The following IGFN1 variants were observed in gnomAD, a reference collection of about 807,000 sequenced individuals.
IGFN1 encodes immunoglobulin like and fibronectin type III domain containing 1, also known as immunoglobulin-like and fibronectin type III domain-containing protein 1.
In IGFN1, 253 loss-of-function variants were observed where a neutral mutation model predicts 289.5. The observed-to-expected ratio is 0.87, with a 90% CI of 0.79 to 0.97. The LOEUF (loss-of-function observed/expected upper bound fraction) is 0.97. IGFN1 is among the 50% of genes least tolerant of loss of function. The probability of loss-of-function intolerance (pLI) is 0.00; values close to 1 mark genes in which losing one functional copy is unlikely to be tolerated. For missense variants in IGFN1, 4,470 were observed against 4,686.1 expected (o/e 0.95, Z 1.35); for synonymous variants, 1,706 against 1,788.5 (o/e 0.95, Z 1.16).
Position 201,224,676 on chromosome 1 carries a change from C to T in IGFN1, c.10291-3C>T, listed in dbSNP as rs747036155. 1 of 1,612,822 alleles carries T rather than the reference C, an allele frequency of 6.2e-7. No homozygotes were observed. The highest frequency in any genetic ancestry group is 8.5e-7 in the Non-Finnish European group (1 of 1,179,362). On this transcript the variant is annotated splice_polypyrimidine_tract_variant and splice_region_variant and intron_variant, in intron 20 of 23. Coordinates refer to ENST00000335211, the MANE Select transcript of IGFN1 (RefSeq NM_001164586.2). ...TCAACTTTTCCTTCCTCTCCTTTCTCAGGCCATGCCCATGCCTGAGGTGAC... is the reference window on the plus strand; with the variant it reads ...TCAACTTTTCCTTCCTCTCCTTTCTTAGGCCATGCCCATGCCTGAGGTGAC...
chr1:201,224,609 C>G, intron 20 of IGFN1, 70 bp from the exon 21 acceptor site: 1 of 1,374,038 alleles, frequency 7.3e-7, no homozygotes, highest in Non-Finnish European at 1.0e-6. Context: ...TTTGGCCTAG[C>G]TTAAATGCCA....
Position 201,206,457 on chromosome 1 carries a change from C to A in IGFN1, c.1564C>A (p.Pro522Thr). The A allele has an allele frequency of 6.4e-7, 1 of 1,551,252 alleles. No individual in the cohort carries two copies. Among genetic ancestry groups the A allele is most frequent in the Non-Finnish European group, 8.7e-7 (1 of 1,146,972 alleles). Residue 522 changes from proline to threonine, a missense_variant, in exon 12 of 24, where the codon CCC becomes ACC. This residue lies in a region of IGFN1 where 2,011 missense variants were observed against 1,953.4 expected (regional missense o/e 1.03). Transcript: ENST00000335211. ...CTGGGCCAGAAGCCTTGCAGAGAGG[C>A]CCCATCTACAGGGAGAGAGCTCAGA... ...GGWARSLAER[P>T]HLQGESSESG...
chr1:201,225,938 T>A lies in IGFN1; in HGVS notation c.10601T>A (p.Val3534Glu), dbSNP rs1391954068. ...EAQDVPLHYA[V>E]FTRSSAHGPW... The stretch of plus-strand genomic sequence containing the variant: ...CAGGATGTCCCGCTGCACTACGCGG[T>A]GTTCACACGCTCCTCAGCGCACGGT... The change falls in exon 22 of 24, where the codon GTG becomes GAG. Residue 3534 changes from valine (V) to glutamate (E), a missense_variant. Coordinates refer to ENST00000335211, the MANE Select transcript of IGFN1 (RefSeq NM_001164586.2). 1.2e-6 allele frequency: 2 copies of A among 1,602,424 alleles called. No homozygotes were observed. Among genetic ancestry groups the A allele is most frequent in the Non-Finnish European group, 1.7e-6 (2 of 1,174,594 alleles).
chr1:201,211,433 G>C lies in IGFN1; in HGVS notation c.6540G>C (p.Lys2180Asn), dbSNP rs1317268108. ...MGSMDEAGYR[K>N]DLGAPEGMGS... ...CAATGGATGAGGCAGGTTATAGGAA[G>C]GATTTGGGAGCTCCTGAGGGAATGG... The change falls in exon 12 of 24, where the codon AAG (lysine) becomes AAC (asparagine). Residue 2180 changes from lysine to asparagine, a missense_variant. By Grantham distance (94) the Lys-to-Asn change is moderately conservative. Transcript: ENST00000335211. 1 of 1,500,458 alleles carries C rather than the reference G, an allele frequency of 6.7e-7. No individual in the cohort carries two copies. The highest frequency in any genetic ancestry group is 1.4e-5 in the African/African-American group (1 of 71,348). The allele number at this position is 1,500,458 out of a possible 1,614,324, so 92.9% of individuals were successfully genotyped here. A position where few individuals can be genotyped will look rare whatever the true frequency, so the allele number is the denominator to read the frequency against.
intron 7 of IGFN1, 102 bp downstream of exon 7, chr1:201,199,756 C>A: frequency 1.0e-6 from 1 of 988,048 alleles, no homozygotes; most frequent in Non-Finnish European, 1.5e-6. Flanking sequence ...CTCTACCCAA[C>A]ACAGCAGGGA....
In IGFN1 at chr1:201,205,105, C is replaced by G; in HGVS notation, c.940C>G (p.Pro314Ala). ...ASAIPPRVVVPLAETHCEEQG... is the reference protein window; with the variant it reads ...ASAIPPRVVVALAETHCEEQG... ...AGCCATCCCCCCAAGAGTGGTGGTC[C>G]CACTGGCGGAGACCCACTGTGAGGA... Residue 314 changes from proline (P) to alanine (A), a missense_variant, in exon 11 of 24, where the codon CCA becomes GCA. Pro to Ala is a conservative substitution (Grantham distance 27). This residue lies in a region of IGFN1 where 2,011 missense variants were observed against 1,953.4 expected (regional missense o/e 1.03). Coordinates refer to ENST00000335211, the MANE Select transcript of IGFN1 (RefSeq NM_001164586.2). The G allele has an allele frequency of 6.5e-7, 1 of 1,547,938 alleles. No individual in the cohort carries two copies. Among genetic ancestry groups the G allele is most frequent in the Non-Finnish European group, 8.7e-7 (1 of 1,144,806 alleles).
At chr1:201,224,096 T>C (rs2102371534) in intron 20 of IGFN1, among the ~76,000 whole-genome samples, 1 of 152,344 alleles carries the variant, frequency 6.6e-6, no homozygotes, top group East Asian at 1.9e-4. Context: ...CACCGTGCCC[T>C]GTACTGAGGG....
At chr1:201,204,791 T>G (rs1439640751) in intron 10 of IGFN1, among the ~76,000 whole-genome samples, 1 of 152,246 alleles carries the variant, frequency 6.6e-6, no homozygotes, top group African/African-American at 2.4e-5. Flanking sequence ...CTACCGGCTC[T>G]TAGCATAGTG....
intron 8 of IGFN1, among the ~76,000 whole-genome samples, chr1:201,200,871 G>A (rs527641629): frequency 2.4e-3 from 321 of 136,396 alleles, no homozygotes; most frequent in African/African-American, 6.6e-3. Flanking sequence ...TTGCTCTTTC[G>A]CCCAGGCTGG....
chr1:201,208,273 T>G lies in IGFN1; in HGVS notation c.3380T>G (p.Phe1127Cys). The change falls in exon 12 of 24, where the codon TTC (phenylalanine) becomes TGC (cysteine). Residue 1127 changes from phenylalanine to cysteine, a missense_variant. Coordinates refer to ENST00000335211, the MANE Select transcript of IGFN1 (RefSeq NM_001164586.2). ...GGTCAGACTGGAAATTATGGGGGCT[T>G]CAGAGCCTCAGAGGCCCTGGGGGCC... ...PWGQTGNYGG[F>C]RASEALGAFG... The G allele has an allele frequency of 6.5e-7, 1 of 1,535,254 alleles. No homozygotes were observed. The highest frequency in any genetic ancestry group is 1.4e-5 in the African/African-American group (1 of 72,926).
chr1:201,220,654 C>T (rs1653669306), intron 18 of IGFN1, among the ~76,000 whole-genome samples: 1 of 152,250 alleles, frequency 6.6e-6, no homozygotes, highest in Non-Finnish European at 1.5e-5. Flanking sequence ...TCAGGCCTCA[C>T]CCCAGACCTA....
At chr1:201,213,789 T>C (rs1486713780) in intron 12 of IGFN1, among the ~76,000 whole-genome samples, 168 bp downstream of exon 12, 1 of 152,078 alleles carries the variant, frequency 6.6e-6, no homozygotes, top group Non-Finnish European at 1.5e-5. Flanking sequence ...AAGCAACCTC[T>C]TCCTCTTTAC....
At chr1:201,215,501 T>G in intron 14 of IGFN1, 38 bp from the exon 15 acceptor site, 2 of 1,509,042 alleles carry the variant, frequency 1.3e-6, no homozygotes, top group Non-Finnish European at 1.8e-6. Context: ...AGGTGCCCAG[T>G]GCCCTGGTCT....
In IGFN1 at chr1:201,212,278, G is replaced by A; in HGVS notation, c.7385G>A (p.Gly2462Asp). Residue 2462 changes from glycine (G) to aspartate (D), a missense_variant, in exon 12 of 24, where the codon GGC becomes GAC. Around this residue, in one of 8 missense-constraint regions of IGFN1, gnomAD observed 2,218 missense variants for 2,114.1 expected, o/e 1.05. Coordinates refer to ENST00000335211, the MANE Select transcript of IGFN1 (RefSeq NM_001164586.2). Reference protein sequence around the residue: ...GGRQTLSDERGSTKDLGGYGT... With the variant: ...GGRQTLSDERDSTKDLGGYGT... ...CGACAGACTCTTTCAGATGAGCGAG[G>A]CTCCACCAAAGATCTTGGGGGCTAT... 2 of 1,536,246 alleles carry A rather than the reference G, an allele frequency of 1.3e-6. No individual in the cohort carries two copies. Among genetic ancestry groups the A allele is most frequent in the South Asian group, 1.2e-5 (1 of 83,996 alleles).
intron 15 of IGFN1, 64 bp downstream of exon 15, chr1:201,215,902 C>T: frequency 6.7e-7 from 1 of 1,493,068 alleles, no homozygotes; most frequent in Non-Finnish European, 9.2e-7. Context: ...CCCTCCCTGC[C>T]ATCAAGGGCA....
rs1295343407 is a variant in IGFN1, at chr1:201,228,542, G to A, written c.*143G>A. 1.1e-5 allele frequency: 10 copies of A among 892,776 alleles called. No homozygotes were observed. The highest frequency in any genetic ancestry group is 6.6e-5 in the African/African-American group (4 of 60,386). The allele number at this position is 892,776 out of a possible 1,614,324, so 55.3% of individuals were successfully genotyped here. A position where few individuals can be genotyped will look rare whatever the true frequency, so the allele number is the denominator to read the frequency against. Reference sequence around the variant, plus strand: ...GTGAGAAGATGCCTGGCGAGGTTTTGGCCAGGAGGACGTGAAGTCCTTGGG... The same window carrying A: ...GTGAGAAGATGCCTGGCGAGGTTTTAGCCAGGAGGACGTGAAGTCCTTGGG... On this transcript the variant is annotated 3_prime_UTR_variant, in exon 24 of 24. Coordinates refer to ENST00000335211, the MANE Select transcript of IGFN1 (RefSeq NM_001164586.2).
chr1:201,210,687 G>C lies in IGFN1; in HGVS notation c.5794G>C (p.Ala1932Pro), dbSNP rs1161125316. 1 of 1,527,804 alleles carries C rather than the reference G, an allele frequency of 6.5e-7. No individual in the cohort carries two copies. The highest frequency in any genetic ancestry group is 8.7e-7 in the Non-Finnish European group (1 of 1,144,124). The allele number at this position is 1,527,804 out of a possible 1,614,324, so 94.6% of individuals were successfully genotyped here. Reference protein sequence around the residue: ...NEAGYRKDLGAPEGMGSGSKE... With the variant: ...NEAGYRKDLGPPEGMGSGSKE... ...GGCAGGTTATAGGAAGGATTTGGGG[G>C]CTCCTGAGGGAATGGGTTCAGGGAG... Residue 1932 changes from alanine (A) to proline (P), a missense_variant, in exon 12 of 24, where the codon GCT becomes CCT. By Grantham distance (27) the Ala-to-Pro change is conservative (BLOSUM62 -1). Transcript: ENST00000335211.
intron 12 of IGFN1, among the ~76,000 whole-genome samples, chr1:201,213,834 T>G (rs1216678175): frequency 1.3e-5 from 2 of 152,068 alleles, no homozygotes; most frequent in Non-Finnish European, 2.9e-5. Flanking sequence ...GGCTCAGAGG[T>G]CTCCTAGGTA....
rs1036214906 is a variant in IGFN1 at position 201,207,748 on chromosome 1, A to C, written c.2855A>C (p.Glu952Ala). 6.5e-7 allele frequency: 1 copy of C among 1,536,884 alleles called. No individual in the cohort carries two copies. Among genetic ancestry groups the C allele is most frequent in the Admixed American group, 2.0e-5 (1 of 50,968 alleles). ...GGCTTGGAAGGTCCCGGGAGAATGG[A>C]ATCTAGGTACGAGGGTGGCTTAGGA... ...KDGLEGPGRM[E>A]SRYEGGLGYS... The change falls in exon 12 of 24, where the codon GAA (glutamate) becomes GCA (alanine). Residue 952 changes from glutamate (E) to alanine (A), a missense_variant. By Grantham distance (107) the Glu-to-Ala change is moderately radical. Coordinates refer to ENST00000335211, the MANE Select transcript of IGFN1 (RefSeq NM_001164586.2).
Sources: gnomAD v4.1 joint callset for allele counts (sites outside exome capture counted in the v4.1 genomes callset) on GRCh38, gnomAD v4.1.1 for gene constraint, gnomAD v4.1.1 regional missense constraint, MANE v1.5 for transcripts, NCBI Gene and HGNC (gene_info 2026-07-23, HGNC 2026-07-21) for gene names.